Variants in IGF2BP2 observed in about 807,000 individuals in gnomAD.
The protein encoded by IGF2BP2 is insulin like growth factor 2 mRNA binding protein 2.
A neutral mutation model predicts 75.8 loss-of-function variants in IGF2BP2; 17 were observed. The observed-to-expected ratio is 0.22, with a 90% CI of 0.15 to 0.34. IGF2BP2 has a LOEUF of 0.34. Among genes scored for constraint, IGF2BP2 ranks in the 10% least tolerant of loss-of-function variants. The probability of loss-of-function intolerance (pLI) is 1.00; values close to 1 mark genes in which losing one functional copy is unlikely to be tolerated. For synonymous variants in IGF2BP2, 288 were observed against 295.6 expected (o/e 0.97, Z 0.26); for missense variants, 516 against 772.4 (o/e 0.67, Z 3.93).
At chr3:185,796,100 G>C (rs766436499) in intron 2 of IGF2BP2, among the ~76,000 whole-genome samples, 1 of 152,144 alleles carries the variant, frequency 6.6e-6, no homozygotes, top group Admixed American at 6.5e-5. Context: ...AGGCAGGGGA[G>C]AGTGGAATAG....
chr3:185,668,251 T>C (rs1717951156), intron 10 of IGF2BP2, among the ~76,000 whole-genome samples: 2 of 152,078 alleles, frequency 1.3e-5, no homozygotes, highest in Non-Finnish European at 2.9e-5. Context: ...AAACTAGGTC[T>C]AGTTATAGAA....
chr3:185,775,441 T>C lies in IGF2BP2; in HGVS notation c.239+47712A>G, dbSNP rs1734423385. On this transcript the variant is annotated intron_variant, in intron 2 of 15. Coordinates refer to ENST00000382199, the MANE Select transcript of IGF2BP2 (RefSeq NM_006548.6). ...AAACAGCATCCAATCAAGTGGAAGA[T>C]GATCATTTAAACAACACATCACACA... is the stretch of plus-strand genomic sequence containing the variant. Among the ~76,000 whole-genome samples, 3 of 152,166 alleles carry C rather than the reference T, an allele frequency of 2.0e-5. No homozygotes were observed. In the South Asian group the frequency reaches 6.2e-4, roughly 32 times the overall value.
At chr3:185,794,905 CT>C (rs1036001121) in intron 2 of IGF2BP2, among the ~76,000 whole-genome samples, 14 of 148,378 alleles carry the variant, frequency 9.4e-5, no homozygotes, top group Non-Finnish European at 1.0e-4. Flanking sequence ...CTTTTCTTTT[CT>C]TTTTTTTTTG....
At chr3:185,654,691 C>T (rs1290789191) in intron 12 of IGF2BP2, among the ~76,000 whole-genome samples, 1 of 152,180 alleles carries the variant, frequency 6.6e-6, no homozygotes, top group East Asian at 1.9e-4. Context: ...GGAATGAGGA[C>T]CCCATCTTAT....
chr3:185,669,343 A>T (rs1718159078), intron 10 of IGF2BP2, among the ~76,000 whole-genome samples: 1 of 152,076 alleles, frequency 6.6e-6, no homozygotes, highest in Admixed American at 6.6e-5. Context: ...GAAAAATATA[A>T]ATCATATATA....
chr3:185,797,699 T>C (rs1044597661), intron 2 of IGF2BP2, among the ~76,000 whole-genome samples: 1 of 150,538 alleles, frequency 6.6e-6, no homozygotes, highest in Non-Finnish European at 1.5e-5. Context: ...GGCCCAGGAG[T>C]TCGAGACCAG....
intron 2 of IGF2BP2, among the ~76,000 whole-genome samples, chr3:185,787,012 G>C (rs1735984924): frequency 6.6e-6 from 1 of 152,166 alleles, no homozygotes; most frequent in African/African-American, 2.4e-5. Context: ...GCCCAAATCT[G>C]TCCTGTGGGC....
intron 2 of IGF2BP2, among the ~76,000 whole-genome samples, chr3:185,795,219 G>A (rs1050488386): frequency 6.6e-6 from 1 of 152,174 alleles, no homozygotes; most frequent in Non-Finnish European, 1.5e-5. Context: ...CTATAAGTGG[G>A]ATCATATAGT....
chr3:185,744,465 A>G (rs2149587188), intron 2 of IGF2BP2, among the ~76,000 whole-genome samples: 1 of 152,324 alleles, frequency 6.6e-6, no homozygotes, highest in Middle Eastern at 3.4e-3. Flanking sequence ...TAATCCCATC[A>G]GAGGAAACTA....
At position 185,740,808 on chromosome 3, in the gene IGF2BP2, A is replaced by G. The variant is rs1433721978; in HGVS notation, c.240-42461T>C. On this transcript the variant is annotated intron_variant, in intron 2 of 15. Transcript: ENST00000382199. ...TTAATTACCAAGCTTTGTGGTCTATACTCACTCAAGGGACTGTCAAGAGTA... is the reference window on the plus strand; with the variant it reads ...TTAATTACCAAGCTTTGTGGTCTATGCTCACTCAAGGGACTGTCAAGAGTA... Among the ~76,000 whole-genome samples the G allele has an allele frequency of 1.1e-4, 17 of 152,182 alleles. 1 individual carries two copies. The highest frequency in any genetic ancestry group is 2.5e-4 in the Non-Finnish European group (17 of 68,032).
Position 185,820,235 on chromosome 3 carries a change from TACACACACACACACACACAC to T in IGF2BP2, c.239+2898_239+2917del, listed in dbSNP as rs202064714. ...GTGTGTGTATGTGTATATATACACA[TACACACACACACACACACAC>T]ACACACACACACACACACATAATTT... On this transcript the variant is annotated intron_variant, in intron 2 of 15. Coordinates refer to ENST00000382199, the MANE Select transcript of IGF2BP2 (RefSeq NM_006548.6). Among the ~76,000 whole-genome samples the T allele has an allele frequency of 8.7e-4, 89 of 102,820 alleles. No homozygotes were observed. The East Asian group carries it at 0.018, about 21-fold the overall frequency. The allele number at this position is 102,820 out of a possible 152,430, so 67.5% of individuals were successfully genotyped here.
At chr3:185,789,824 C>G (rs192984133) in intron 2 of IGF2BP2, among the ~76,000 whole-genome samples, 1 of 150,532 alleles carries the variant, frequency 6.6e-6, no homozygotes, top group African/African-American at 2.4e-5. Context: ...ACCTCCAACA[C>G]CCAGGTTCGA....
intron 2 of IGF2BP2, among the ~76,000 whole-genome samples, chr3:185,706,552 T>C (rs192908200): frequency 1.3e-4 from 20 of 152,272 alleles, no homozygotes; most frequent in African/African-American, 4.6e-4. Flanking sequence ...TGGGTTAGAG[T>C]AGAACTTGCA....
In IGF2BP2 at chr3:185,649,384, G is replaced by C; in HGVS notation, c.1593+19C>G. On this transcript the variant is annotated intron_variant, in intron 14 of 15. Transcript: ENST00000382199. ...GGGAATCTGACCCAGGTGATGAAGC[G>C]AGCCCGGAGCACACTTACGGTCTTG... 12 of 1,611,604 alleles carry C rather than the reference G, an allele frequency of 7.4e-6. No homozygotes were observed. The highest frequency in any genetic ancestry group is 1.0e-5 in the Non-Finnish European group (12 of 1,179,406).
chr3:185,797,931 G>A (rs983398258), intron 2 of IGF2BP2, among the ~76,000 whole-genome samples: 13 of 150,422 alleles, frequency 8.6e-5, no homozygotes, highest in Middle Eastern at 3.5e-3. Context: ...GCCGGGCGTG[G>A]TGGCTCATGC....
intron 2 of IGF2BP2, among the ~76,000 whole-genome samples, chr3:185,785,873 G>T (rs1396404649): frequency 6.6e-6 from 1 of 152,102 alleles, no homozygotes; most frequent in African/African-American, 2.4e-5. Flanking sequence ...TTTCTAGACT[G>T]AATTGGTCAT....
At chr3:185,811,861 T>C (rs1029175271) in intron 2 of IGF2BP2, among the ~76,000 whole-genome samples, 3 of 135,448 alleles carry the variant, frequency 2.2e-5, no homozygotes, top group African/African-American at 9.8e-5. Flanking sequence ...TCTCTCTCTC[T>C]CTCTCTCTCT....
intron 10 of IGF2BP2, among the ~76,000 whole-genome samples, chr3:185,671,769 G>C (rs1718546202): frequency 6.6e-6 from 1 of 152,122 alleles, no homozygotes; most frequent in African/African-American, 2.4e-5. Context: ...CAAAAGAACA[G>C]AATGGCTGAG....
intron 2 of IGF2BP2, among the ~76,000 whole-genome samples, chr3:185,750,677 G>C (rs1451606112): frequency 6.6e-5 from 10 of 152,214 alleles, no homozygotes; most frequent in Non-Finnish European, 1.3e-4. Context: ...CTTGGGAAAA[G>C]ATTACGTGCA....
Sources: allele counts gnomAD v4.1 joint callset (sites outside exome capture counted in the v4.1 genomes callset), GRCh38; gene constraint gnomAD v4.1.1; transcripts MANE v1.5; gene names NCBI Gene and HGNC (gene_info 2026-07-23, HGNC 2026-07-21).